The following PDCL2 variants were observed in gnomAD, a reference collection of about 807,000 sequenced individuals.
PDCL2 encodes phosducin like 2.
A neutral mutation model predicts 30.3 loss-of-function variants in PDCL2; 23 were observed. The observed-to-expected ratio is 0.76, with a 90% CI of 0.55 to 1.08. The LOEUF (loss-of-function observed/expected upper bound fraction) is 1.08. Ranked by LOEUF, PDCL2 falls within the 50% of genes least tolerant of loss-of-function variation. PDCL2 has a pLI of 0.00. For synonymous variants in PDCL2, 68 were observed against 86.2 expected (o/e 0.79, Z 1.17); for missense variants, 243 against 282.3 (o/e 0.86, Z 1.00).
chr4:55,576,924 G>A (rs1334368604), intron 3 of PDCL2, among the ~76,000 whole-genome samples: 1 of 150,292 alleles, frequency 6.7e-6, no homozygotes, highest in Non-Finnish European at 1.5e-5. Context: ...TTGAGACGGA[G>A]TCTTGCTCTG....
intron 4 of PDCL2, among the ~76,000 whole-genome samples, chr4:55,563,260 C>A (rs1413239600): frequency 1.3e-5 from 2 of 152,172 alleles, no homozygotes; most frequent in Non-Finnish European, 2.9e-5. Flanking sequence ...AAGTGAATCC[C>A]TTCACCTCTA....
rs183785651 is a variant in PDCL2, at chr4:55,580,573, G to A, written c.218+248C>T. 1.1e-4 allele frequency among the ~76,000 whole-genome samples: 16 copies of A among 152,014 alleles called. No homozygotes were observed. In the East Asian group the frequency reaches 1.7e-3, roughly 17 times the overall value. On this transcript the variant is annotated intron_variant, in intron 3 of 5. Coordinates refer to ENST00000295645, the MANE Select transcript of PDCL2 (RefSeq NM_152401.3). ...CTTATTGCTATTTTCCACTTTAATCGTATGTAGCTTGATGAAGTTATATTG... is the reference window on the plus strand; with the variant it reads ...CTTATTGCTATTTTCCACTTTAATCATATGTAGCTTGATGAAGTTATATTG...
intron 2 of PDCL2, among the ~76,000 whole-genome samples, chr4:55,581,804 T>C (rs1266498733): frequency 1.3e-5 from 2 of 152,148 alleles, no homozygotes; most frequent in Admixed American, 1.3e-4. Flanking sequence ...CCTAGGTTCA[T>C]GCCATTCTAC....
chr4:55,572,494 C>G (rs1383992270), intron 3 of PDCL2, among the ~76,000 whole-genome samples: 2 of 152,154 alleles, frequency 1.3e-5, no homozygotes, highest in Non-Finnish European at 2.9e-5. Flanking sequence ...CTCTAGAAAC[C>G]TATCTCCTTA....
At chr4:55,559,113 A>G (rs1577902907) in intron 5 of PDCL2, among the ~76,000 whole-genome samples, 2 of 152,240 alleles carry the variant, frequency 1.3e-5, no homozygotes, top group African/African-American at 2.4e-5. Context: ...CAAAAAACCA[A>G]TAGTCTAAAA....
rs1242300683 is a variant in PDCL2 at position 55,569,755 on chromosome 4, C to T, written c.325G>A (p.Glu109Lys). 3 of 1,563,940 alleles carry T rather than the reference C, an allele frequency of 1.9e-6. No homozygotes were observed. The highest frequency in any genetic ancestry group is 2.7e-5 in the African/African-American group (2 of 73,804). ...AGATGAATTATAACCCACACATCTT[C>T]TTCTGCATTTGTGACTTCATTCACA... is the stretch of plus-strand genomic sequence containing the variant. ...QYVNEVTNAE[E>K]DVWVIIHLYR... Residue 109 changes from glutamate to lysine, a missense_variant, in exon 4 of 6, where the codon GAA becomes AAA. By Grantham distance (56) the Glu-to-Lys change is moderately conservative. Transcript: ENST00000295645.
intron 1 of PDCL2, 121 bp from the exon 2 acceptor site, chr4:55,582,358 G>T: frequency 8.7e-7 from 1 of 1,155,130 alleles, no homozygotes; most frequent in Non-Finnish European, 1.2e-6. Context: ...ACAGTTAATT[G>T]GTTTTGAAGA....
intron 4 of PDCL2, among the ~76,000 whole-genome samples, chr4:55,568,186 T>C (rs957866132): frequency 1.3e-5 from 2 of 152,248 alleles, no homozygotes; most frequent in African/African-American, 4.8e-5. Flanking sequence ...ACAGTGAAGG[T>C]TGCTGTCATG....
At chr4:55,560,125 G>A (rs1163685928) in intron 5 of PDCL2, among the ~76,000 whole-genome samples, 1 of 143,490 alleles carries the variant, frequency 7.0e-6, no homozygotes, top group Non-Finnish European at 1.5e-5. Context: ...GTTATGTTAT[G>A]CATATTCTAC....
chr4:55,558,321 T>A, intron 5 of PDCL2, among the ~76,000 whole-genome samples: 1 of 152,182 alleles, frequency 6.6e-6, no homozygotes, highest in Non-Finnish European at 1.5e-5. Flanking sequence ...GGTTGTTACC[T>A]CCATGCTGTT....
At chr4:55,562,326 G>C (rs1732154569) in intron 5 of PDCL2, 78 bp downstream of exon 5, 1 of 993,680 alleles carries the variant, frequency 1.0e-6, no homozygotes, top group Non-Finnish European at 1.4e-6. Flanking sequence ...TGGTACTAAG[G>C]AAGTAAGCTT....
rs562875515 is a variant in PDCL2, at chr4:55,572,326, G to C, written c.219-2465C>G. The stretch of plus-strand genomic sequence containing the variant: ...AAAAGAAGGAGCAGGCTCTAGACTG[G>C]GATACCAGGAATGACTCCCAGAACA... On this transcript the variant is annotated intron_variant, in intron 3 of 5. Coordinates refer to ENST00000295645, the MANE Select transcript of PDCL2 (RefSeq NM_152401.3). Among the ~76,000 whole-genome samples the C allele has an allele frequency of 5.3e-5, 8 of 152,228 alleles. No homozygotes were observed. In the East Asian group the frequency reaches 1.5e-3, roughly 29 times the overall value.
intron 3 of PDCL2, among the ~76,000 whole-genome samples, chr4:55,572,594 C>T (rs62310862): frequency 0.23 from 34,512 of 152,062 alleles, 4,555 homozygotes; most frequent in South Asian, 0.37. Flanking sequence ...CAATCATATC[C>T]CAAACCTCAG....
chr4:55,564,267 A>G (rs1196778590), intron 4 of PDCL2, among the ~76,000 whole-genome samples: 2 of 152,212 alleles, frequency 1.3e-5, no homozygotes, highest in Non-Finnish European at 2.9e-5. Context: ...GAAGTCAGGT[A>G]GGTATTGGTG....
intron 3 of PDCL2, among the ~76,000 whole-genome samples, chr4:55,577,927 G>A (rs1292098127): frequency 6.6e-6 from 1 of 152,030 alleles, no homozygotes; most frequent in Non-Finnish European, 1.5e-5. Flanking sequence ...CTAGATATTT[G>A]AATCCTATAA....
chr4:55,584,449 G>A (rs1005999136), intron 1 of PDCL2, among the ~76,000 whole-genome samples: 2 of 151,998 alleles, frequency 1.3e-5, no homozygotes, highest in African/African-American at 4.8e-5. Flanking sequence ...TAGAGATGAG[G>A]TTTCACCATG....
intron 5 of PDCL2, 83 bp from the exon 6 acceptor site, chr4:55,556,794 TAGTA>T: frequency 9.3e-7 from 1 of 1,078,406 alleles, no homozygotes; most frequent in Non-Finnish European, 1.3e-6. Flanking sequence ...AGTTGACTCT[TAGTA>T]ATATTACCAT....
intron 1 of PDCL2, among the ~76,000 whole-genome samples, chr4:55,588,638 T>C (rs1371934192): frequency 6.6e-6 from 1 of 152,216 alleles, no homozygotes; most frequent in Non-Finnish European, 1.5e-5. Flanking sequence ...TGAAACCTGT[T>C]TCAGATATTT....
intron 1 of PDCL2, among the ~76,000 whole-genome samples, chr4:55,590,196 CAAAAAAAA>C (rs1221085369): frequency 1.1e-4 from 4 of 37,094 alleles, no homozygotes; most frequent in South Asian, 5.3e-3. Flanking sequence ...GGCTCTGTCT[CAAAAAAAA>C]AAAAAAAAAA....
Sources: gnomAD v4.1 joint callset for allele counts (sites outside exome capture counted in the v4.1 genomes callset) on GRCh38, gnomAD v4.1.1 for gene constraint, MANE v1.5 for transcripts, NCBI Gene and HGNC (gene_info 2026-07-23, HGNC 2026-07-21) for gene names.